STAU2: variants seen among roughly 807,000 people sequenced by gnomAD.
STAU2 encodes double-stranded RNA-binding protein Staufen homolog 2.
A neutral mutation model predicts 65.9 loss-of-function variants in STAU2; 20 were observed. That is an observed-to-expected ratio of 0.30 (90% CI 0.21 to 0.44). STAU2 has a LOEUF of 0.44. Ranked by LOEUF, STAU2 falls within the 20% of genes least tolerant of loss-of-function variation. The pLI is 1.00. For missense variants in STAU2, 558 were observed against 683.9 expected (o/e 0.82, Z 2.05); for synonymous variants, 232 against 233.9 (o/e 0.99, Z 0.07).
At chr8:73,692,084 A>G in intron 4 of STAU2, among the ~76,000 whole-genome samples, 1 of 152,212 alleles carries the variant, frequency 6.6e-6, no homozygotes, top group East Asian at 1.9e-4. Flanking sequence ...CCTAAAAGAT[A>G]GGGTACAAAA....
intron 2 of STAU2, among the ~76,000 whole-genome samples, chr8:73,738,685 A>G (rs1280731249): frequency 6.6e-6 from 1 of 152,222 alleles, no homozygotes; most frequent in Non-Finnish European, 1.5e-5. Context: ...CTAGACTTCT[A>G]AGACAATCCC....
intron 13 of STAU2, among the ~76,000 whole-genome samples, chr8:73,474,804 A>T (rs891848695): frequency 6.6e-6 from 1 of 152,236 alleles, no homozygotes; most frequent in African/African-American, 2.4e-5. Flanking sequence ...CAGTCTCCTC[A>T]ATAGAATTGG....
At chr8:73,478,769 A>G (rs935367104) in intron 13 of STAU2, among the ~76,000 whole-genome samples, 2 of 152,098 alleles carry the variant, frequency 1.3e-5, no homozygotes, top group Non-Finnish European at 2.9e-5. Context: ...TTCACCCCCC[A>G]AAAATCATTA....
intron 13 of STAU2, among the ~76,000 whole-genome samples, chr8:73,447,439 A>C (rs981268773): frequency 6.6e-6 from 1 of 152,174 alleles, no homozygotes; most frequent in African/African-American, 2.4e-5. Flanking sequence ...GCTGTGCCAT[A>C]ATTGATTTAA....
At chr8:73,673,309 A>T in intron 5 of STAU2, 67 bp from the exon 6 acceptor site, 1 of 1,408,110 alleles carries the variant, frequency 7.1e-7, no homozygotes, top group Non-Finnish European at 9.4e-7. Context: ...TGCAAGCTAT[A>T]TTTATACAAC....
intron 13 of STAU2, among the ~76,000 whole-genome samples, chr8:73,442,353 C>CAAAAAAAA (rs10606663): frequency 1.0e-5 from 1 of 100,158 alleles, no homozygotes; most frequent in Non-Finnish European, 2.1e-5. Flanking sequence ...GACTCCGTCT[C>CAAAAAAAA]AAAAAAAAAA....
chr8:73,583,869 A>C (rs1810174883), intron 11 of STAU2, among the ~76,000 whole-genome samples: 1 of 152,162 alleles, frequency 6.6e-6, no homozygotes, highest in Non-Finnish European at 1.5e-5. Context: ...TTAATAAGTG[A>C]CTTTAGTTAT....
chr8:73,538,738 A>G (rs1037258647), intron 13 of STAU2, among the ~76,000 whole-genome samples: 2 of 152,144 alleles, frequency 1.3e-5, no homozygotes, highest in Non-Finnish European at 2.9e-5. Flanking sequence ...GGGACCAAGA[A>G]ACTTAAACCA....
chr8:73,434,152 G>C (rs958873995), intron 13 of STAU2, among the ~76,000 whole-genome samples: 2 of 151,444 alleles, frequency 1.3e-5, no homozygotes, highest in East Asian at 1.9e-4. Flanking sequence ...AGGGACAAAG[G>C]GTCCAAGAAA....
At chr8:73,529,548 GA>G (rs1483595090) in intron 13 of STAU2, among the ~76,000 whole-genome samples, 15 of 152,084 alleles carry the variant, frequency 9.9e-5, no homozygotes, top group Admixed American at 9.9e-4. Flanking sequence ...TTAGAGAAAT[GA>G]AAATTAGAAA....
rs190191415 is a variant in STAU2, at chr8:73,605,807, G to A, written c.892-1944C>T. Among the ~76,000 whole-genome samples, 185 of 145,798 alleles carry A rather than the reference G, an allele frequency of 1.3e-3. No individual in the cohort carries two copies. The Middle Eastern group carries it at 0.015, about 12-fold the overall frequency. On this transcript the variant is annotated intron_variant, in intron 9 of 14. Transcript: ENST00000524300. Reference sequence around the variant, plus strand: ...CAAAGGGACCAATGAAACAGAATAAGTGCCCAGACACAGATATATATACAC... The same window carrying A: ...CAAAGGGACCAATGAAACAGAATAAATGCCCAGACACAGATATATATACAC...
intron 4 of STAU2, among the ~76,000 whole-genome samples, chr8:73,696,349 G>A (rs771045259): frequency 3.9e-5 from 6 of 152,136 alleles, no homozygotes; most frequent in South Asian, 2.1e-4. Context: ...TACAACCATC[G>A]ACACCATTCA....
At chr8:73,740,157 G>C (rs1806741916) in intron 1 of STAU2, among the ~76,000 whole-genome samples, 1 of 152,200 alleles carries the variant, frequency 6.6e-6, no homozygotes, top group Non-Finnish European at 1.5e-5. Context: ...AGATGTGACT[G>C]CAACCCCAAC....
chr8:73,641,160 T>G (rs1814933376), intron 6 of STAU2, among the ~76,000 whole-genome samples: 1 of 152,132 alleles, frequency 6.6e-6, no homozygotes, highest in African/African-American at 2.4e-5. Flanking sequence ...GGAGCCTGGG[T>G]GACATGGTGA....
intron 13 of STAU2, among the ~76,000 whole-genome samples, chr8:73,463,407 G>A (rs1819480249): frequency 6.6e-6 from 1 of 152,224 alleles, no homozygotes; most frequent in South Asian, 2.1e-4. Flanking sequence ...GTTCTGGAGA[G>A]TAAATATGGT....
intron 3 of STAU2, among the ~76,000 whole-genome samples, chr8:73,714,925 A>G (rs1048539332): frequency 7.9e-5 from 12 of 151,954 alleles, no homozygotes; most frequent in African/African-American, 2.9e-4. Context: ...CTACAAAAAT[A>G]TACAAATTAG....
At chr8:73,442,849 G>A (rs1379820956) in intron 13 of STAU2, among the ~76,000 whole-genome samples, 1 of 152,180 alleles carries the variant, frequency 6.6e-6, no homozygotes, top group Admixed American at 6.5e-5. Context: ...ATTTTTGCCT[G>A]AGGGTACATT....
At chr8:73,698,360 T>C (rs1192838744) in intron 4 of STAU2, among the ~76,000 whole-genome samples, 1 of 151,924 alleles carries the variant, frequency 6.6e-6, no homozygotes, top group Non-Finnish European at 1.5e-5. Flanking sequence ...TCAAAAGACA[T>C]AGAGTGGCTG....
chr8:73,496,365 T>G (rs151300235), intron 13 of STAU2, among the ~76,000 whole-genome samples: 1 of 151,656 alleles, frequency 6.6e-6, no homozygotes, highest in South Asian at 2.1e-4. Flanking sequence ...CTTACTTAGA[T>G]GTATATGCTC....
Sources: gnomAD v4.1 joint callset for allele counts (sites outside exome capture counted in the v4.1 genomes callset) on GRCh38, gnomAD v4.1.1 for gene constraint, MANE v1.5 for transcripts, NCBI Gene and HGNC (gene_info 2026-07-23, HGNC 2026-07-21) for gene names.